Variants in CDKN2B-AS1 observed in about 807,000 individuals in gnomAD.
CDKN2B-AS1 encodes CDKN2B and CDKN2A antisense cis and trans regulatory RNA 1.
chr9:22,123,076 G>A (rs1055739742), intron 4 of CDKN2B-AS1, among the ~76,000 whole-genome samples: 15 of 151,980 alleles, frequency 9.9e-5, no homozygotes, highest in African/African-American at 3.6e-4. Flanking sequence ...CACCTCCTTG[G>A]TTACATTTAT....
intron 4 of CDKN2B-AS1, among the ~76,000 whole-genome samples, chr9:22,085,716 G>A (rs1323296338): frequency 1.5e-4 from 13 of 86,362 alleles, no homozygotes; most frequent in African/African-American, 8.9e-4. Context: ...GCGAGACTCC[G>A]TCTCAAAAAA....
At chr9:22,004,732 A>G (rs187514719) in intron 1 of CDKN2B-AS1, 49 of 233,028 alleles carry the variant, frequency 2.1e-4, no homozygotes, top group Middle Eastern at 2.5e-3. Flanking sequence ...TTTATACTCA[A>G]TCTACTTTTT....
intron 4 of CDKN2B-AS1, among the ~76,000 whole-genome samples, chr9:22,122,968 T>G (rs1826131603): frequency 6.6e-6 from 1 of 152,150 alleles, no homozygotes; most frequent in African/African-American, 2.4e-5. Flanking sequence ...TTGCATTGAA[T>G]CTATAGGTTG....
At position 22,061,769 on chromosome 9, in the gene CDKN2B-AS1, CT is replaced by C. The variant is rs547136833; in HGVS notation, n.438+5385del. Among the ~76,000 whole-genome samples the C allele has an allele frequency of 2.9e-3, 438 of 152,056 alleles. 1 individual carries two copies. Among genetic ancestry groups the C allele is most frequent in the Non-Finnish European group, 4.9e-3 (331 of 67,950 alleles). On this transcript the variant is annotated intron_variant and non_coding_transcript_variant, in intron 4 of 4. Coordinates refer to ENST00000650946, the Ensembl canonical transcript of CDKN2B-AS1. ...CTCCTCTATATGCCTGAGTTTTCTT[CT>C]TTACAAAAGGGGGGAGGGAATAATA...
At chr9:22,047,009 G>A (rs1326129654) in intron 2 of CDKN2B-AS1, 1 of 152,078 alleles carries the variant, frequency 6.6e-6, no homozygotes, top group Non-Finnish European at 1.5e-5. Flanking sequence ...ATTTCTTTGA[G>A]CCCTCGTTTA....
chr9:21,998,689 G>A (rs577713305), intron 1 of CDKN2B-AS1, among the ~76,000 whole-genome samples: 120 of 152,180 alleles, frequency 7.9e-4, no homozygotes, highest in Middle Eastern at 3.4e-3. Flanking sequence ...CATTCCATAG[G>A]CAGGGATAGG....
intron 1 of CDKN2B-AS1, among the ~76,000 whole-genome samples, chr9:22,037,103 C>G (rs1412609914): frequency 6.6e-6 from 1 of 151,982 alleles, no homozygotes; most frequent in African/African-American, 2.4e-5. Context: ...TTGTGTTATT[C>G]AAGGATTCTA....
chr9:22,071,865 A>G (rs2131316237), intron 4 of CDKN2B-AS1, among the ~76,000 whole-genome samples: 1 of 152,312 alleles, frequency 6.6e-6, no homozygotes, highest in South Asian at 2.1e-4. Context: ...TGTATTCCAC[A>G]GTGCAGTTTG....
chr9:22,062,848 T>C (rs1418566559), intron 4 of CDKN2B-AS1, among the ~76,000 whole-genome samples: 1 of 151,898 alleles, frequency 6.6e-6, no homozygotes, highest in Non-Finnish European at 1.5e-5. Flanking sequence ...TTAGTAGATA[T>C]TGTTGATGAA....
chr9:22,074,820 T>G (rs1824433263), intron 4 of CDKN2B-AS1, among the ~76,000 whole-genome samples: 1 of 152,222 alleles, frequency 6.6e-6, no homozygotes, highest in African/African-American at 2.4e-5. Context: ...TGGTTTCTCT[T>G]AAGCCAGACA....
At chr9:22,046,869 C>T (rs1228320824) in exon 2 of CDKN2B-AS1, 1 of 152,096 alleles carries the variant, frequency 6.6e-6, no homozygotes, top group Non-Finnish European at 1.5e-5. Context: ...TTGAAAAACA[C>T]ACATCAAAGG....
rs142353227 is a variant in CDKN2B-AS1 at position 21,996,236 on chromosome 9, A to G, written n.29+1075A>G. On this transcript the variant is annotated intron_variant and non_coding_transcript_variant, in intron 1 of 4. Transcript: ENST00000650946. This position sits in a 1 kb window ranked among gnomAD's most constrained non-coding sequence, Gnocchi z 5.4. ...TGCTGCCGGACCTCGGTACAAACCC[A>G]AGACAAAACGGGGCCCTTTGGAAAA... is the stretch of plus-strand genomic sequence containing the variant. Among the ~76,000 whole-genome samples the G allele has an allele frequency of 3.5e-4, 54 of 152,230 alleles. No homozygotes were observed. The highest frequency in any genetic ancestry group is 1.2e-3 in the African/African-American group (50 of 41,548).
rs553996154 is a variant in CDKN2B-AS1 at position 21,997,872 on chromosome 9, G to A, written n.29+2711G>A. Among the ~76,000 whole-genome samples, 1 of 152,036 alleles carries A rather than the reference G, an allele frequency of 6.6e-6. No homozygotes were observed. Among genetic ancestry groups the A allele is most frequent in the Non-Finnish European group, 1.5e-5 (1 of 67,998 alleles). ...TCACATTATCCCGTCATGCCTGAGG[G>A]GTTCTCTGACCCTCAGTTTTCTGAG... On this transcript the variant is annotated intron_variant and non_coding_transcript_variant, in intron 1 of 4. Coordinates refer to ENST00000650946, the Ensembl canonical transcript of CDKN2B-AS1. The surrounding 1 kb of genome is among the most constrained non-coding windows in gnomAD (Gnocchi z 4.8).
rs539065479 is a variant in CDKN2B-AS1 at position 22,035,453 on chromosome 9, T to C, written n.30-11298T>C. Among the ~76,000 whole-genome samples, 20 of 152,272 alleles carry C rather than the reference T, an allele frequency of 1.3e-4. No individual in the cohort carries two copies. In the East Asian group the frequency reaches 3.9e-3, roughly 29 times the overall value. Reference sequence around the variant, plus strand: ...TGTTGGGTAATCGTGAATATGTTGATTGGCGTCAAACATGGGTCTCACCTA... The same window carrying C: ...TGTTGGGTAATCGTGAATATGTTGACTGGCGTCAAACATGGGTCTCACCTA... On this transcript the variant is annotated intron_variant and non_coding_transcript_variant, in intron 1 of 4. Transcript: ENST00000650946.
At chr9:22,127,478 C>T (rs1158663866) in exon 5 of CDKN2B-AS1, among the ~76,000 whole-genome samples, 2 of 152,216 alleles carry the variant, frequency 1.3e-5, no homozygotes, top group African/African-American at 4.8e-5. Flanking sequence ...CCCTTTCTCA[C>T]AGCTGGTGAA....
chr9:22,006,154 C>T lies in CDKN2B-AS1; in HGVS notation n.29+10993C>T, dbSNP rs1364892269. On this transcript the variant is annotated intron_variant and non_coding_transcript_variant, in intron 1 of 4. Transcript: ENST00000650946. This position sits in a 1 kb window ranked among gnomAD's most constrained non-coding sequence, Gnocchi z 6.4. ...AAGCCCTCCCGGGCAGCATCATGCACCGGTCGGGTGAGAGTGGCAGGGTCT... is the reference window on the plus strand; with the variant it reads ...AAGCCCTCCCGGGCAGCATCATGCATCGGTCGGGTGAGAGTGGCAGGGTCT... The T allele has an allele frequency of 6.2e-7, 1 of 1,611,742 alleles. No individual in the cohort carries two copies. The highest frequency in any genetic ancestry group is 8.5e-7 in the Non-Finnish European group (1 of 1,179,876).
At chr9:22,017,196 G>A (rs1229611189) in intron 1 of CDKN2B-AS1, among the ~76,000 whole-genome samples, 1 of 152,232 alleles carries the variant, frequency 6.6e-6, no homozygotes, top group Non-Finnish European at 1.5e-5. Context: ...GGAGGCCGAG[G>A]CGCGCAGATC....
chr9:22,056,757 C>G (rs1412680983), intron 4 of CDKN2B-AS1, among the ~76,000 whole-genome samples: 2 of 152,178 alleles, frequency 1.3e-5, no homozygotes, highest in African/African-American at 2.4e-5. Flanking sequence ...CATCTACATC[C>G]AAGTGACCTC....
rs2131168451 is a variant in CDKN2B-AS1 at position 22,001,709 on chromosome 9, C to A, written n.29+6548C>A. 6.6e-6 allele frequency among the ~76,000 whole-genome samples: 1 copy of A among 152,138 alleles called. No individual in the cohort carries two copies. The highest frequency in any genetic ancestry group is 1.9e-4 in the East Asian group (1 of 5,184). ...CTTACGCAAGGAATGACATTAAAATCTTCTGAGTAGGGAATTTAAGAGGCA... is the reference window on the plus strand; with the variant it reads ...CTTACGCAAGGAATGACATTAAAATATTCTGAGTAGGGAATTTAAGAGGCA... On this transcript the variant is annotated intron_variant and non_coding_transcript_variant, in intron 1 of 4. Coordinates refer to ENST00000650946, the Ensembl canonical transcript of CDKN2B-AS1. The surrounding 1 kb of genome is among the most constrained non-coding windows in gnomAD (Gnocchi z 4.2).
Sources: allele counts gnomAD v4.1 joint callset (sites outside exome capture counted in the v4.1 genomes callset), GRCh38; gene constraint gnomAD v4.1.1; non-coding constraint Gnocchi (gnomAD v3.1); transcripts MANE v1.5; gene names NCBI Gene and HGNC (gene_info 2026-07-23, HGNC 2026-07-21).